Variants in STAU2 observed in about 807,000 individuals in gnomAD.
STAU2 encodes double-stranded RNA-binding protein Staufen homolog 2.
A neutral mutation model predicts 65.9 loss-of-function variants in STAU2; 20 were observed. The ratio of observed to expected loss-of-function variants is 0.30; its 90% confidence interval spans 0.21 to 0.44. The LOEUF (loss-of-function observed/expected upper bound fraction) is 0.44, where lower values mean the gene tolerates loss of function less well. STAU2 is among the 20% of genes least tolerant of loss of function. The pLI, the probability that STAU2 is intolerant of heterozygous loss-of-function variation, is 1.00. For missense variants in STAU2, 558 were observed against 683.9 expected, an observed-to-expected ratio of 0.82 and a Z score of 2.05; for synonymous variants, 232 against 233.9, an observed-to-expected ratio of 0.99 and a Z score of 0.07.
chr8:73,443,923 C>T (rs1287658348), intron 13 of STAU2, among the ~76,000 whole-genome samples: 2 of 151,764 alleles, frequency 1.3e-5, no homozygotes, highest in African/African-American at 2.4e-5. Flanking sequence ...GCTAAACAAA[C>T]ACTCCAGAAC....
At chr8:73,698,697 C>A (rs1586298085) in intron 4 of STAU2, among the ~76,000 whole-genome samples, 1 of 152,080 alleles carries the variant, frequency 6.6e-6, no homozygotes, top group East Asian at 1.9e-4. Context: ...GACCCCAATA[C>A]AATAACAGCT....
intron 6 of STAU2, among the ~76,000 whole-genome samples, chr8:73,626,088 C>T (rs1813616917): frequency 6.6e-6 from 1 of 151,954 alleles, no homozygotes; most frequent in Non-Finnish European, 1.5e-5. Context: ...CACACACACA[C>T]ACACACACAC....
At chr8:73,568,626 G>A (rs1047392116) in intron 12 of STAU2, among the ~76,000 whole-genome samples, 9 of 151,728 alleles carry the variant, frequency 5.9e-5, no homozygotes, top group East Asian at 1.9e-4. Flanking sequence ...AAAAGACAAC[G>A]ATTAAAACTG....
At chr8:73,509,538 G>T (rs1479431589) in intron 13 of STAU2, among the ~76,000 whole-genome samples, 1 of 152,096 alleles carries the variant, frequency 6.6e-6, no homozygotes, top group Non-Finnish European at 1.5e-5. Context: ...ACTGCGAGGG[G>T]GTAGAGGGAA....
chr8:73,700,414 A>T (rs1249862808), intron 4 of STAU2, among the ~76,000 whole-genome samples: 11 of 151,884 alleles, frequency 7.2e-5, no homozygotes, highest in East Asian at 1.9e-4. Context: ...TCTTATATTT[A>T]AAAAAACCTA....
At chr8:73,690,720 T>C (rs1819273228) in intron 4 of STAU2, among the ~76,000 whole-genome samples, 1 of 152,158 alleles carries the variant, frequency 6.6e-6, no homozygotes, top group Non-Finnish European at 1.5e-5. Flanking sequence ...TACATGAGTG[T>C]CTATTACACC....
chr8:73,547,909 G>GA (rs1271040134), intron 13 of STAU2, among the ~76,000 whole-genome samples: 6 of 150,486 alleles, frequency 4.0e-5, no homozygotes, highest in Admixed American at 6.6e-5. Flanking sequence ...AAAAAGAATT[G>GA]AAAAAAAACC....
At chr8:73,694,964 T>C (rs1819603964) in intron 4 of STAU2, among the ~76,000 whole-genome samples, 1 of 152,222 alleles carries the variant, frequency 6.6e-6, no homozygotes, top group African/African-American at 2.4e-5. Flanking sequence ...AACTTGAATT[T>C]CTTGGCAAGA....
chr8:73,567,227 G>C lies in STAU2; in HGVS notation c.1223-14908C>G, dbSNP rs374046786. ...TTTACTTTTTAAGATTAAAAAAAAGGCCGGGCGCAGTGGTTCACGCTTGTA... is the reference window on the plus strand; with the variant it reads ...TTTACTTTTTAAGATTAAAAAAAAGCCCGGGCGCAGTGGTTCACGCTTGTA... On this transcript the variant is annotated intron_variant, in intron 12 of 14. Coordinates refer to ENST00000524300, the MANE Select transcript of STAU2 (RefSeq NM_001164380.2). Among the ~76,000 whole-genome samples the C allele has an allele frequency of 4.4e-3, 668 of 152,252 alleles. 3 individuals are homozygous for C. The highest frequency in any genetic ancestry group is 0.015 in the African/African-American group (640 of 41,544).
chr8:73,553,114 C>A lies in STAU2; in HGVS notation c.1223-795G>T, dbSNP rs537882224. The stretch of plus-strand genomic sequence containing the variant: ...ATGTCATTAGTTGATGGAGCTTAAA[C>A]CATATTAGAGAAGCACTTTCCTTTG... On this transcript the variant is annotated intron_variant, in intron 12 of 14. Coordinates refer to ENST00000524300, the MANE Select transcript of STAU2 (RefSeq NM_001164380.2). Among the ~76,000 whole-genome samples, 9 of 152,296 alleles carry A rather than the reference C, an allele frequency of 5.9e-5. No individual in the cohort carries two copies. The South Asian group carries it at 1.9e-3, about 32-fold the overall frequency.
At chr8:73,745,633 A>G (rs1359732595) in intron 1 of STAU2, among the ~76,000 whole-genome samples, 3 of 152,200 alleles carry the variant, frequency 2.0e-5, no homozygotes, top group African/African-American at 4.8e-5. Flanking sequence ...TTAAAGGATC[A>G]TCTCTAGCCT....
At chr8:73,715,359 G>A (rs1427987045) in intron 3 of STAU2, among the ~76,000 whole-genome samples, 1 of 151,376 alleles carries the variant, frequency 6.6e-6, no homozygotes, top group Non-Finnish European at 1.5e-5. Context: ...GGGAGGCTGA[G>A]GCACCAGAAT....
intron 13 of STAU2, among the ~76,000 whole-genome samples, chr8:73,486,815 G>A (rs6980606): frequency 0.41 from 62,747 of 151,222 alleles, 14,178 homozygotes; most frequent in Non-Finnish European, 0.5. Context: ...ACCACACCTG[G>A]ATGATTTTTT....
chr8:73,546,656 G>A (rs1333514851), intron 13 of STAU2, among the ~76,000 whole-genome samples: 1 of 152,026 alleles, frequency 6.6e-6, no homozygotes, highest in Non-Finnish European at 1.5e-5. Flanking sequence ...TCCACATACT[G>A]TTCTTTCTTA....
At chr8:73,677,129 C>T (rs879578258) in intron 5 of STAU2, among the ~76,000 whole-genome samples, 4 of 152,124 alleles carry the variant, frequency 2.6e-5, no homozygotes, top group Non-Finnish European at 4.4e-5. Flanking sequence ...TGGAAAGATG[C>T]TCACCTGCAT....
intron 6 of STAU2, among the ~76,000 whole-genome samples, chr8:73,622,647 A>G (rs961621797): frequency 1.1e-4 from 17 of 152,214 alleles, no homozygotes; most frequent in Non-Finnish European, 1.6e-4. Flanking sequence ...TAAATTGTCT[A>G]TCTTCATGGA....
At chr8:73,557,905 A>T (rs966808356) in intron 12 of STAU2, among the ~76,000 whole-genome samples, 1 of 152,244 alleles carries the variant, frequency 6.6e-6, no homozygotes, top group Non-Finnish European at 1.5e-5. Context: ...ACACAGTTAC[A>T]ATGCAGATAC....
At chr8:73,647,125 T>G (rs936547109) in intron 6 of STAU2, among the ~76,000 whole-genome samples, 5 of 152,234 alleles carry the variant, frequency 3.3e-5, no homozygotes, top group African/African-American at 1.2e-4. Flanking sequence ...CATACATTCC[T>G]GATTGTGATG....
intron 12 of STAU2, among the ~76,000 whole-genome samples, chr8:73,580,173 TAG>T (rs1809879367): frequency 6.6e-6 from 1 of 152,174 alleles, no homozygotes; most frequent in South Asian, 2.1e-4. Context: ...TGAAGCAATG[TAG>T]AGTTTAACAA....
Sources: allele counts gnomAD v4.1 joint callset (sites outside exome capture counted in the v4.1 genomes callset), GRCh38; gene constraint gnomAD v4.1.1; transcripts MANE v1.5; gene names NCBI Gene and HGNC (gene_info 2026-07-23, HGNC 2026-07-21).